Variants in DEFB131B observed in about 807,000 individuals in gnomAD.
The protein encoded by DEFB131B is beta-defensin 131B.
Under a neutral mutation model 2.1 loss-of-function variants are expected in DEFB131B, and 2 were observed. The observed-to-expected ratio is 0.94, with a 90% CI of 0.38 to 2.95. The LOEUF is 2.95. Among genes scored for constraint, DEFB131B ranks in the 30% most tolerant of loss-of-function variants. DEFB131B has a pLI of 0.09. For synonymous variants in DEFB131B, 26 were observed against 25.8 expected, an observed-to-expected ratio of 1.01 and a Z score of -0.03; for missense variants, 77 against 78.5, an observed-to-expected ratio of 0.98 and a Z score of 0.07.
intron 1 of DEFB131B, among the ~76,000 whole-genome samples, chr11:71,879,793 C>T (rs1952548757): frequency 6.6e-6 from 1 of 152,126 alleles, no homozygotes. Flanking sequence ...ATTTTTGTCT[C>T]TATGTATATT....
chr11:71,881,031 G>A (rs1230667613), intron 1 of DEFB131B, among the ~76,000 whole-genome samples: 5 of 152,142 alleles, frequency 3.3e-5, no homozygotes, highest in African/African-American at 1.2e-4. Flanking sequence ...AAGTCTATTT[G>A]TTCTGTGGTA....
At chr11:71,880,546 C>T (rs183994487) in intron 1 of DEFB131B, among the ~76,000 whole-genome samples, 97 of 151,990 alleles carry the variant, frequency 6.4e-4, no homozygotes, top group African/African-American at 2.2e-3. Context: ...TATTTCTTTC[C>T]TTCTCCTAAG....
intron 1 of DEFB131B, among the ~76,000 whole-genome samples, chr11:71,881,772 T>A (rs1283276703): frequency 1.3e-5 from 2 of 152,050 alleles, no homozygotes; most frequent in Non-Finnish European, 2.9e-5. Flanking sequence ...AAGGAAAGAA[T>A]CAGTGAGCTT....
rs1447804544 is a variant in DEFB131B, at chr11:71,878,461, C to T, written c.9C>T (p.Val3=). ...GCTTTACCTATTCAACCATGAGGGT[C>T]TTGTTTTTTGTCTTTGGAGTCCTTT... MR[V]LFFVFGVLSL... The change falls in exon 1 of 2, where the codon GTC becomes GTT. Residue 3 remains valine (V), a synonymous_variant. Transcript: ENST00000530210. 1.2e-6 allele frequency: 2 copies of T among 1,611,782 alleles called. No homozygotes were observed. Among genetic ancestry groups the T allele is most frequent in the Admixed American group, 3.3e-5 (2 of 60,002 alleles).
intron 1 of DEFB131B, among the ~76,000 whole-genome samples, chr11:71,882,213 T>TA (rs59043498): frequency 0.026 from 3,676 of 143,714 alleles, 118 homozygotes; most frequent in African/African-American, 0.076. Context: ...TTTAAAATGT[T>TA]AAAAAAAAAA....
chr11:71,881,886 T>C (rs555960279), intron 1 of DEFB131B, among the ~76,000 whole-genome samples: 2 of 152,190 alleles, frequency 1.3e-5, no homozygotes, highest in South Asian at 2.1e-4. Context: ...AGGAAAAATA[T>C]ATGTGTAATG....
chr11:71,883,605 C>T (rs564312207), intron 1 of DEFB131B, among the ~76,000 whole-genome samples: 2 of 152,258 alleles, frequency 1.3e-5, no homozygotes, highest in African/African-American at 4.8e-5. Context: ...ATGAACTACA[C>T]ATTTAAACAT....
Position 71,878,483 on chromosome 11 carries a change from C to T in DEFB131B, c.31C>T (p.Leu11Phe). The T allele has an allele frequency of 6.2e-7, 1 of 1,611,656 alleles. No individual in the cohort carries two copies. Among genetic ancestry groups the T allele is most frequent in the Non-Finnish European group, 8.5e-7 (1 of 1,179,786 alleles). The change falls in exon 1 of 2, where the codon CTT (leucine) becomes TTT (phenylalanine). Residue 11 changes from leucine to phenylalanine, a missense_variant. By Grantham distance (22) the Leu-to-Phe change is conservative. Transcript: ENST00000530210. Reference protein sequence around the residue: MRVLFFVFGVLSLMSTVPPTR... With the variant: MRVLFFVFGVFSLMSTVPPTR... ...GGTCTTGTTTTTTGTCTTTGGAGTC[C>T]TTTCCTTGATGTCCACAGTTCCTCC...
chr11:71,882,835 T>G lies in DEFB131B; in HGVS notation c.59-1572T>G, dbSNP rs549767575. ...TTATCTATTTCCAAATGACATAATT[T>G]TTTTGTAAAAAACCCTAAACTTCAC... is the stretch of plus-strand genomic sequence containing the variant. On this transcript the variant is annotated intron_variant, in intron 1 of 1. Transcript: ENST00000530210. Among the ~76,000 whole-genome samples the G allele has an allele frequency of 2.0e-5, 3 of 152,260 alleles. No individual in the cohort carries two copies. In the East Asian group the frequency reaches 5.8e-4, roughly 29 times the overall value.
At chr11:71,879,515 C>T (rs937541488) in intron 1 of DEFB131B, among the ~76,000 whole-genome samples, 2 of 152,182 alleles carry the variant, frequency 1.3e-5, no homozygotes, top group Admixed American at 6.5e-5. Context: ...AAGATTCCCT[C>T]ATTTATATAA....
At chr11:71,883,613 C>A (rs920822817) in intron 1 of DEFB131B, among the ~76,000 whole-genome samples, 20 of 152,228 alleles carry the variant, frequency 1.3e-4, no homozygotes, top group Admixed American at 2.6e-4. Context: ...CACATTTAAA[C>A]ATAATTACCT....
At chr11:71,882,375 C>A (rs1028829349) in intron 1 of DEFB131B, among the ~76,000 whole-genome samples, 2 of 152,038 alleles carry the variant, frequency 1.3e-5, no homozygotes, top group African/African-American at 4.8e-5. Flanking sequence ...CGTGCCTCAG[C>A]CAGCCACCAC....
intron 1 of DEFB131B, among the ~76,000 whole-genome samples, chr11:71,881,558 T>C (rs1226149692): frequency 6.6e-6 from 1 of 152,126 alleles, no homozygotes; most frequent in Non-Finnish European, 1.5e-5. Flanking sequence ...CTGGTGTCTC[T>C]TCCTCTTCTA....
At chr11:71,880,690 T>C (rs1281185158) in intron 1 of DEFB131B, among the ~76,000 whole-genome samples, 1 of 152,216 alleles carries the variant, frequency 6.6e-6, no homozygotes, top group Non-Finnish European at 1.5e-5. Flanking sequence ...TTGTATTCCA[T>C]AGGCTTTGGT....
At chr11:71,878,834 A>G (rs1952541584) in intron 1 of DEFB131B, among the ~76,000 whole-genome samples, 2 of 151,930 alleles carry the variant, frequency 1.3e-5, no homozygotes, top group Non-Finnish European at 2.9e-5. Flanking sequence ...CTACAAAAAA[A>G]AAAAAAATAC....
chr11:71,878,466 T>C lies in DEFB131B; in HGVS notation c.14T>C (p.Phe5Ser). 1 of 1,611,788 alleles carries C rather than the reference T, an allele frequency of 6.2e-7. No individual in the cohort carries two copies. Among genetic ancestry groups the C allele is most frequent in the African/African-American group, 1.3e-5 (1 of 74,986 alleles). ...ACCTATTCAACCATGAGGGTCTTGT[T>C]TTTTGTCTTTGGAGTCCTTTCCTTG... MRVL[F>S]FVFGVLSLMS... The change falls in exon 1 of 2, where the codon TTT (phenylalanine) becomes TCT (serine). Residue 5 changes from phenylalanine (F) to serine (S), a missense_variant. By Grantham distance (155) the Phe-to-Ser change is radical. Transcript: ENST00000530210.
chr11:71,883,421 C>T (rs1476342216), intron 1 of DEFB131B, among the ~76,000 whole-genome samples: 4 of 152,032 alleles, frequency 2.6e-5, no homozygotes, highest in Non-Finnish European at 5.9e-5. Flanking sequence ...GAATAGAGGG[C>T]CAAGAAATCA....
intron 1 of DEFB131B, among the ~76,000 whole-genome samples, chr11:71,878,766 G>A (rs1483617254): frequency 1.3e-5 from 2 of 152,040 alleles, no homozygotes; most frequent in African/African-American, 2.4e-5. Context: ...AGTTTGAGGT[G>A]GGTGAGCTTG....
intron 1 of DEFB131B, among the ~76,000 whole-genome samples, chr11:71,883,244 T>C (rs7116479): frequency 0.045 from 6,817 of 151,742 alleles, 519 homozygotes; most frequent in African/African-American, 0.16. Flanking sequence ...AAAAAACAAT[T>C]TTAAAATTCA....
Sources: gnomAD v4.1 joint callset for allele counts (sites outside exome capture counted in the v4.1 genomes callset) on GRCh38, gnomAD v4.1.1 for gene constraint, MANE v1.5 for transcripts, NCBI Gene and HGNC (gene_info 2026-07-23, HGNC 2026-07-21) for gene names.